EIF4G3: variants seen among roughly 807,000 people sequenced by gnomAD.
The protein encoded by EIF4G3 is eIF-4-gamma 3.
In EIF4G3, 34 loss-of-function variants were observed where a neutral mutation model predicts 186.4. The ratio of observed to expected loss-of-function variants is 0.18; its 90% CI spans 0.14 to 0.24. The LOEUF (loss-of-function observed/expected upper bound fraction) is 0.24, where lower values mean the gene tolerates loss of function less well. Among genes scored for constraint, EIF4G3 ranks in the 10% least tolerant of loss-of-function variants. The pLI is 1.00. For synonymous variants in EIF4G3, 673 were observed against 679.5 expected, an observed-to-expected ratio of 0.99 and a Z score of 0.15; for missense variants, 1,536 against 1,948.5, an observed-to-expected ratio of 0.79 and a Z score of 3.99.
intron 20 of EIF4G3, among the ~76,000 whole-genome samples, chr1:20,872,691 T>C (rs2154553220): frequency 6.7e-6 from 1 of 149,572 alleles, no homozygotes; most frequent in Non-Finnish European, 1.5e-5. Flanking sequence ...AAAAGCCTCC[T>C]AGACTTTTAT....
chr1:20,945,119 TA>T (rs1173608210), intron 13 of EIF4G3, among the ~76,000 whole-genome samples: 1 of 151,858 alleles, frequency 6.6e-6, no homozygotes. Context: ...TGCAGAAAGC[TA>T]AAAACACAGT....
At chr1:20,887,994 C>T (rs1345875697) in intron 18 of EIF4G3, among the ~76,000 whole-genome samples, 1 of 152,074 alleles carries the variant, frequency 6.6e-6, no homozygotes, top group Admixed American at 6.5e-5. Context: ...TGCATTTGTA[C>T]ATAAACATTG....
At chr1:20,885,986 T>C (rs890256222) in intron 19 of EIF4G3, among the ~76,000 whole-genome samples, 1 of 152,210 alleles carries the variant, frequency 6.6e-6, no homozygotes, top group African/African-American at 2.4e-5. Context: ...CCTCTAGACC[T>C]GGTAACTATT....
intron 4 of EIF4G3, among the ~76,000 whole-genome samples, chr1:21,037,919 G>C (rs2093331293): frequency 6.6e-6 from 1 of 152,118 alleles, no homozygotes; most frequent in Admixed American, 6.5e-5. Context: ...GCATTACCTA[G>C]GCTCATCCCA....
At chr1:20,893,840 C>T (rs367945474) in intron 17 of EIF4G3, among the ~76,000 whole-genome samples, 10 of 150,212 alleles carry the variant, frequency 6.7e-5, no homozygotes, top group Admixed American at 2.7e-4. Context: ...TTTTCTGATA[C>T]GCTGGGAATG....
At chr1:20,830,038 T>C (rs187123850) in intron 30 of EIF4G3, among the ~76,000 whole-genome samples, 4 of 152,210 alleles carry the variant, frequency 2.6e-5, no homozygotes, top group Non-Finnish European at 1.5e-5. Context: ...ACATACAATA[T>C]ATAATAAAGT....
At chr1:21,032,562 TA>T (rs879619132) in intron 4 of EIF4G3, among the ~76,000 whole-genome samples, 105 of 145,196 alleles carry the variant, frequency 7.2e-4, no homozygotes, top group Middle Eastern at 3.4e-3. Context: ...TTTCAGCCAT[TA>T]AAAAAAAAAA....
At chr1:21,164,694 T>C (rs1011464243) in intron 2 of EIF4G3, among the ~76,000 whole-genome samples, 2 of 152,058 alleles carry the variant, frequency 1.3e-5, no homozygotes, top group Admixed American at 1.3e-4. Context: ...ATCCCGTCTC[T>C]ACAAAAAATA....
chr1:20,846,149 CTT>C (rs1372126582), intron 29 of EIF4G3, among the ~76,000 whole-genome samples: 4 of 152,118 alleles, frequency 2.6e-5, no homozygotes, highest in African/African-American at 9.7e-5. Flanking sequence ...TATCCTGAGT[CTT>C]TGCTGAAGTT....
chr1:20,943,974 TTG>T (rs1163268356), intron 13 of EIF4G3, among the ~76,000 whole-genome samples: 58 of 62,536 alleles, frequency 9.3e-4, no homozygotes, highest in African/African-American at 2.8e-3. Flanking sequence ...TTTATTTTTT[TTG>T]TGTGTGTGTG....
intron 7 of EIF4G3, among the ~76,000 whole-genome samples, chr1:20,990,593 C>T (rs573549878): frequency 1.2e-4 from 19 of 152,158 alleles, no homozygotes; most frequent in African/African-American, 3.6e-4. Context: ...TGCTTGAACC[C>T]GGGAGGCAGA....
At chr1:21,132,249 A>G (rs1263507986) in intron 2 of EIF4G3, among the ~76,000 whole-genome samples, 1 of 152,144 alleles carries the variant, frequency 6.6e-6, no homozygotes, top group Non-Finnish European at 1.5e-5. Context: ...ATCATTTTCT[A>G]AACACCATTC....
chr1:21,092,500 A>G (rs763833330), intron 2 of EIF4G3, among the ~76,000 whole-genome samples: 33 of 152,216 alleles, frequency 2.2e-4, no homozygotes, highest in Non-Finnish European at 3.8e-4. Flanking sequence ...CATAAAATCA[A>G]TATCATGAAA....
intron 4 of EIF4G3, among the ~76,000 whole-genome samples, chr1:21,033,167 A>G (rs1296180580): frequency 1.3e-5 from 2 of 152,190 alleles, no homozygotes; most frequent in Non-Finnish European, 2.9e-5. Context: ...TCTATATATC[A>G]GTTTTACCTG....
At chr1:21,118,667 T>G (rs879453157) in intron 2 of EIF4G3, among the ~76,000 whole-genome samples, 2 of 151,374 alleles carry the variant, frequency 1.3e-5, no homozygotes, top group Non-Finnish European at 2.9e-5. Context: ...GTGCCTGTAA[T>G]CCCAGCTACT....
At chr1:20,920,872 C>T (rs12127519) in intron 14 of EIF4G3, among the ~76,000 whole-genome samples, 48,855 of 151,954 alleles carry the variant, frequency 0.32, 8,509 homozygotes, top group Non-Finnish European at 0.39. Flanking sequence ...ATGCAGGAAC[C>T]ATCCATTTAT....
chr1:21,028,429 A>G (rs2092399290), intron 4 of EIF4G3, among the ~76,000 whole-genome samples: 1 of 152,256 alleles, frequency 6.6e-6, no homozygotes, highest in Non-Finnish European at 1.5e-5. Flanking sequence ...GAAATTATAA[A>G]ACAAATATCT....
intron 2 of EIF4G3, among the ~76,000 whole-genome samples, chr1:21,105,438 A>G (rs1290957357): frequency 4.6e-5 from 7 of 151,586 alleles, no homozygotes; most frequent in African/African-American, 9.7e-5. Context: ...TAAAAAAAAA[A>G]GAAAAAAAAA....
Position 20,862,306 on chromosome 1 carries a change from C to T in EIF4G3, c.3033G>A (p.Gln1011=). 7 of 1,612,278 alleles carry T rather than the reference C, an allele frequency of 4.3e-6. No individual in the cohort carries two copies. The highest frequency in any genetic ancestry group is 5.9e-6 in the Non-Finnish European group (7 of 1,178,926). Residue 1011 remains glutamine (Q), a synonymous_variant, in exon 23 of 37, where the codon CAG becomes CAA. Coordinates refer to ENST00000602326, the MANE Select transcript of EIF4G3 (RefSeq NM_001391906.1). ...TTCTTTCTTTCACAATTTTCTCCATCTGATTAAAGTACTGGTCCATACGTG... is the reference window on the plus strand; with the variant it reads ...TTCTTTCTTTCACAATTTTCTCCATTTGATTAAAGTACTGGTCCATACGTG... ...AKPRMDQYFN[Q]MEKIVKERKT...
Sources: allele counts gnomAD v4.1 joint callset (sites outside exome capture counted in the v4.1 genomes callset), GRCh38; gene constraint gnomAD v4.1.1; transcripts MANE v1.5; gene names NCBI Gene and HGNC (gene_info 2026-07-23, HGNC 2026-07-21).